KCNQ1: variants seen among roughly 807,000 people sequenced by gnomAD.
KCNQ1 encodes potassium voltage-gated channel subfamily KQT member 1.
Under a neutral mutation model 72.4 loss-of-function variants are expected in KCNQ1, and 49 were observed. The ratio of observed to expected loss-of-function variants is 0.68; its 90% CI spans 0.54 to 0.86. The LOEUF is 0.86. Ranked by LOEUF, KCNQ1 falls within the 40% of genes least tolerant of loss-of-function variation. KCNQ1 has a pLI of 0.00. For synonymous variants in KCNQ1, 450 were observed against 412.6 expected (o/e 1.09, Z -1.10); for missense variants, 790 against 945.1 (o/e 0.84, Z 2.15).
At chr11:2,597,556 T>G (rs890791658) in intron 10 of KCNQ1, among the ~76,000 whole-genome samples, 2 of 152,224 alleles carry the variant, frequency 1.3e-5, no homozygotes, top group African/African-American at 4.8e-5. Flanking sequence ...CAGTACATCT[T>G]TCAGAAGAGT....
intron 15 of KCNQ1, among the ~76,000 whole-genome samples, chr11:2,800,929 G>T (rs1847250543): frequency 6.6e-6 from 1 of 152,164 alleles, no homozygotes; most frequent in Admixed American, 6.5e-5. Context: ...TGAGGACAGG[G>T]TCTCAGAGCC....
intron 1 of KCNQ1, among the ~76,000 whole-genome samples, chr11:2,511,292 G>C (rs1038903753): frequency 4.6e-5 from 7 of 152,178 alleles, no homozygotes; most frequent in African/African-American, 1.7e-4. Context: ...CCAGAATTGA[G>C]AGCCAGAGGT....
chr11:2,498,084 C>G lies in KCNQ1; in HGVS notation c.387-29844C>G, dbSNP rs1691395299. On this transcript the variant is annotated intron_variant, in intron 1 of 15. Coordinates refer to ENST00000155840, the MANE Select transcript of KCNQ1 (RefSeq NM_000218.3). This position sits in a 1 kb window ranked among gnomAD's most constrained non-coding sequence, Gnocchi z 4.8. Reference sequence around the variant, plus strand: ...GGCACCAGCCTGATGCCAACCAGAGCTCTCCTGTTTGAGGTGTCTGTTGAC... The same window carrying G: ...GGCACCAGCCTGATGCCAACCAGAGGTCTCCTGTTTGAGGTGTCTGTTGAC... Among the ~76,000 whole-genome samples, 2 of 152,196 alleles carry G rather than the reference C, an allele frequency of 1.3e-5. No homozygotes were observed. The highest frequency in any genetic ancestry group is 1.5e-5 in the Non-Finnish European group (1 of 68,032).
Position 2,472,005 on chromosome 11 carries a change from C to G in KCNQ1, c.386+26521C>G, listed in dbSNP as rs570330029. ...ACCTATGTGTATAAGTGTGTGTGCA[C>G]ATGTGTATAGGTGTATGTATGGTTG... On this transcript the variant is annotated intron_variant, in intron 1 of 15. Transcript: ENST00000155840. Among the ~76,000 whole-genome samples, 8 of 146,490 alleles carry G rather than the reference C, an allele frequency of 5.5e-5. No individual in the cohort carries two copies. In the South Asian group the frequency reaches 1.8e-3, roughly 32 times the overall value.
intron 10 of KCNQ1, among the ~76,000 whole-genome samples, chr11:2,596,320 C>T (rs991772605): frequency 2.0e-5 from 3 of 152,040 alleles, no homozygotes; most frequent in South Asian, 2.1e-4. Flanking sequence ...TATTCTACAG[C>T]GATTCTATTC....
At chr11:2,525,487 AG>A (rs1322695418) in intron 1 of KCNQ1, among the ~76,000 whole-genome samples, 2 of 152,268 alleles carry the variant, frequency 1.3e-5, no homozygotes, top group Non-Finnish European at 2.9e-5. Context: ...GGAGCCTGGC[AG>A]GGCCTGGACA....
At chr11:2,604,372 G>A (rs1439336389) in intron 10 of KCNQ1, among the ~76,000 whole-genome samples, 1 of 151,638 alleles carries the variant, frequency 6.6e-6, no homozygotes, top group Admixed American at 6.6e-5. Context: ...CAGCTACTCG[G>A]GAGGCTGAGG....
intron 10 of KCNQ1, chr11:2,609,048 T>C (rs1257604562): frequency 2.5e-6 from 1 of 398,358 alleles, no homozygotes; most frequent in Admixed American, 4.4e-5. Context: ...TAATATTTAT[T>C]ATTTTGTTTT....
At chr11:2,558,190 C>T (rs916898414) in intron 2 of KCNQ1, among the ~76,000 whole-genome samples, 1 of 152,246 alleles carries the variant, frequency 6.6e-6, no homozygotes, top group Non-Finnish European at 1.5e-5. Context: ...CCCCCCAGCA[C>T]CAACTGTAGA....
rs562216427 is a variant in KCNQ1 at position 2,651,510 on chromosome 11, C to T, written c.1394-10451C>T. On this transcript the variant is annotated intron_variant, in intron 10 of 15. Coordinates refer to ENST00000155840, the MANE Select transcript of KCNQ1 (RefSeq NM_000218.3). The surrounding 1 kb of genome is among the most constrained non-coding windows in gnomAD (Gnocchi z 6.1). ...ATTAAGAAGCTGTCAGTGTGAAGAA[C>T]GTGAATGCTAAGGGCATATGAGTGT... 1.3e-5 allele frequency: 5 copies of T among 398,648 alleles called. No homozygotes were observed. The highest frequency in any genetic ancestry group is 4.4e-5 in the Admixed American group (1 of 22,740). 24.7% of individuals were successfully genotyped at this position (398,648 alleles called of 1,614,324 possible). A position where few individuals can be genotyped will look rare whatever the true frequency, so the allele number is the denominator to read the frequency against.
Position 2,669,336 on chromosome 11 carries a change from C to T in KCNQ1, c.1514+7255C>T. 2.5e-6 allele frequency: 1 copy of T among 398,646 alleles called. No homozygotes were observed. 24.7% of individuals were successfully genotyped at this position (398,646 alleles called of 1,614,324 possible). A position where few individuals can be genotyped will look rare whatever the true frequency, so the allele number is the denominator to read the frequency against. On this transcript the variant is annotated intron_variant, in intron 11 of 15. Transcript: ENST00000155840. This position sits in a 1 kb window ranked among gnomAD's most constrained non-coding sequence, Gnocchi z 5.6. ...CATGGAAAGCCTCCTCTAGGCGCAG[C>T]AGCCTCTAGATGGGCATGGGAGAAT...
At chr11:2,702,477 G>T (rs1850832565) in intron 11 of KCNQ1, among the ~76,000 whole-genome samples, 2 of 152,150 alleles carry the variant, frequency 1.3e-5, no homozygotes, top group African/African-American at 2.4e-5. Flanking sequence ...TGTTGGTTAG[G>T]ATTTTTATCT....
At chr11:2,630,577 T>C in intron 10 of KCNQ1, 2 of 398,378 alleles carry the variant, frequency 5.0e-6, no homozygotes, top group Non-Finnish European at 4.4e-6. Flanking sequence ...TTTTTAATTA[T>C]TTTTCTTTTA....
At chr11:2,610,943 A>G in intron 10 of KCNQ1, 1 of 398,310 alleles carries the variant, frequency 2.5e-6, no homozygotes, top group Non-Finnish European at 4.4e-6. Flanking sequence ...TGAATAATTG[A>G]TAGAACAACA....
intron 10 of KCNQ1, chr11:2,614,359 T>G (rs1849026884): frequency 5.0e-6 from 2 of 398,474 alleles, no homozygotes; most frequent in Non-Finnish European, 8.8e-6. Context: ...CCCTTTAAAT[T>G]TTTTAAGTAA....
chr11:2,619,551 G>A (rs1849128602), intron 10 of KCNQ1: 3 of 398,462 alleles, frequency 7.5e-6, no homozygotes, highest in Non-Finnish European at 1.3e-5. Context: ...TTGATGTATT[G>A]TTAAATTTAG....
rs186091317 is a variant in KCNQ1, at chr11:2,549,699, G to A, written c.478-20929G>A. 3.5e-3 allele frequency among the ~76,000 whole-genome samples: 526 copies of A among 152,192 alleles called. 4 individuals carry two copies. Among genetic ancestry groups the A allele is most frequent in the African/African-American group, 0.012 (496 of 41,532 alleles). Reference sequence around the variant, plus strand: ...CAAGAGGCGTTTTGTGTTCTGCATGGGTGGCCCTGGGCTCCCCAGGCCTGG... The same window carrying A: ...CAAGAGGCGTTTTGTGTTCTGCATGAGTGGCCCTGGGCTCCCCAGGCCTGG... On this transcript the variant is annotated intron_variant, in intron 2 of 15. Transcript: ENST00000155840. The surrounding 1 kb of genome is among the most constrained non-coding windows in gnomAD (Gnocchi z 6.2).
rs895459670 is a variant in KCNQ1, at chr11:2,769,460, A to G, written c.1590+541A>G. Among the ~76,000 whole-genome samples, 2 of 152,070 alleles carry G rather than the reference A, an allele frequency of 1.3e-5. No individual in the cohort carries two copies. The highest frequency in any genetic ancestry group is 4.8e-5 in the African/African-American group (2 of 41,406). On this transcript the variant is annotated intron_variant, in intron 12 of 15. Transcript: ENST00000155840. This position sits in a 1 kb window ranked among gnomAD's most constrained non-coding sequence, Gnocchi z 4.6. Reference sequence around the variant, plus strand: ...GGTCCCCTTGGCCAGGTGAGGCTGGAGCTCCAGGGCTTCCATAAGCTGCCC... The same window carrying G: ...GGTCCCCTTGGCCAGGTGAGGCTGGGGCTCCAGGGCTTCCATAAGCTGCCC...
chr11:2,699,984 G>A (rs1048026610), intron 11 of KCNQ1: 15 of 398,182 alleles, frequency 3.8e-5, no homozygotes, highest in Admixed American at 3.1e-4. Context: ...AGGCGACGCG[G>A]CGACCGTTCT....
Sources: allele counts gnomAD v4.1 joint callset (sites outside exome capture counted in the v4.1 genomes callset), GRCh38; gene constraint gnomAD v4.1.1; non-coding constraint Gnocchi (gnomAD v3.1); transcripts MANE v1.5; gene names NCBI Gene and HGNC (gene_info 2026-07-23, HGNC 2026-07-21).